Variants in PCMT1 observed in about 807,000 individuals in gnomAD.
PCMT1 encodes the protein protein-L-isoaspartate (D-aspartate) O-methyltransferase.
PCMT1 carries 9 observed loss-of-function variants against 29.2 expected under a neutral mutation model. That is an observed-to-expected ratio of 0.31 (90% CI 0.19 to 0.54). The LOEUF is 0.54. Ranked by LOEUF, PCMT1 falls within the 20% of genes least tolerant of loss-of-function variation. PCMT1 has a pLI of 0.95. For missense variants in PCMT1, 184 were observed against 282.2 expected (o/e 0.65, Z 2.49); for synonymous variants, 98 against 97.5 (o/e 1.00, Z -0.03).
At chr6:149,751,841 A>T (rs1402450021) in intron 1 of PCMT1, among the ~76,000 whole-genome samples, 2 of 151,330 alleles carry the variant, frequency 1.3e-5, no homozygotes, top group Admixed American at 1.3e-4. Context: ...CTTAATGTGG[A>T]AACTGAGTCT....
intron 1 of PCMT1, among the ~76,000 whole-genome samples, chr6:149,767,237 T>C (rs1787124494): frequency 6.8e-6 from 1 of 146,558 alleles, no homozygotes; most frequent in South Asian, 2.1e-4. Context: ...TCATTCATGT[T>C]GGGTATATCA....
At chr6:149,765,088 G>A (rs372509722) in intron 1 of PCMT1, among the ~76,000 whole-genome samples, 4 of 149,940 alleles carry the variant, frequency 2.7e-5, no homozygotes, top group African/African-American at 9.8e-5. Context: ...GGCCAGGTGC[G>A]GTGGCTCACG....
At chr6:149,765,445 G>A (rs946982786) in intron 1 of PCMT1, among the ~76,000 whole-genome samples, 7 of 151,492 alleles carry the variant, frequency 4.6e-5, no homozygotes, top group Non-Finnish European at 1.0e-4. Context: ...GCTTCTTCGG[G>A]TAGAAATAAT....
At chr6:149,772,392 A>T in intron 2 of PCMT1, 1 of 323,200 alleles carries the variant, frequency 3.1e-6, no homozygotes, top group South Asian at 2.6e-5. Context: ...TTTTTCAGTT[A>T]TTCTAGTTTT....
rs760461594 is a variant in PCMT1 at position 149,790,022 on chromosome 6, T to C, written c.261T>C (p.Ser87=). 24 of 1,611,778 alleles carry C rather than the reference T, an allele frequency of 1.5e-5. No homozygotes were observed. The Admixed American group carries it at 4.0e-4, about 27-fold the overall frequency. The change falls in exon 4 of 8, where the codon TCT becomes TCC. Residue 87 remains serine (S), a synonymous_variant. Coordinates refer to ENST00000464889, the MANE Select transcript of PCMT1 (RefSeq NM_001360452.2). ...GAGCTAAAGCTCTTGATGTAGGATC[T>C]GGAAGTGGAATCCTTACTGCATGTT... ...HEGAKALDVG[S]GSGILTACFA... is the part of the protein sequence containing the mutation.
chr6:149,788,023 T>C (rs1788196298), intron 3 of PCMT1, among the ~76,000 whole-genome samples: 1 of 152,150 alleles, frequency 6.6e-6, no homozygotes, highest in Non-Finnish European at 1.5e-5. Flanking sequence ...GTTCACGCCA[T>C]TGTCCTGCCT....
At chr6:149,762,595 G>GATATATATATCTATGATAT in intron 1 of PCMT1, among the ~76,000 whole-genome samples, 2 of 37,248 alleles carry the variant, frequency 5.4e-5, no homozygotes, top group Non-Finnish European at 4.3e-5. Context: ...ATATATCTAT[G>GATATATATATCTATGATAT]ATATATATAT....
intron 7 of PCMT1, among the ~76,000 whole-genome samples, chr6:149,807,690 C>A (rs1377580966): frequency 6.6e-6 from 1 of 152,056 alleles, no homozygotes; most frequent in East Asian, 1.9e-4. Flanking sequence ...TTTTAGTAGT[C>A]ACAAGAGTTA....
chr6:149,751,544 C>T (rs1176871671), intron 1 of PCMT1, among the ~76,000 whole-genome samples: 13 of 143,828 alleles, frequency 9.0e-5, no homozygotes, highest in African/African-American at 3.5e-4. Flanking sequence ...TGCAATGGCG[C>T]GGTCTTAGCT....
rs58975454 is a variant in PCMT1 at position 149,804,080 on chromosome 6, C to CAAAAA, written c.*37+1683_*37+1687dup. On this transcript the variant is annotated intron_variant, in intron 7 of 7. Transcript: ENST00000464889. ...TGGGTGACAGAGCGAGACTCTGTCT[C>CAAAAA]AAAAAAAAAAAAAAAAAAAAAAATT... Among the ~76,000 whole-genome samples the CAAAAA allele has an allele frequency of 5.4e-4, 42 of 77,492 alleles. 2 individuals carry two copies. Among genetic ancestry groups the CAAAAA allele is most frequent in the African/African-American group, 2.0e-3 (42 of 20,790 alleles). 50.8% of individuals were successfully genotyped at this position (77,492 alleles called of 152,430 possible).
intron 1 of PCMT1, chr6:149,750,269 C>T (rs558374121): frequency 4.7e-5 from 17 of 358,992 alleles, no homozygotes; most frequent in African/African-American, 3.4e-4. Context: ...CACTCAGGTC[C>T]GCGTCCGGGT....
intron 6 of PCMT1, 28 bp from the exon 7 acceptor site, chr6:149,802,172 T>G (rs1775847682): frequency 3.7e-6 from 5 of 1,366,168 alleles, no homozygotes; most frequent in Non-Finnish European, 5.0e-6. Flanking sequence ...AACTTGGTGA[T>G]GTATGTGCTT....
chr6:149,785,509 C>T (rs900350087), intron 3 of PCMT1, among the ~76,000 whole-genome samples: 1 of 151,008 alleles, frequency 6.6e-6, no homozygotes, highest in Non-Finnish European at 1.5e-5. Flanking sequence ...AGCAGATAAA[C>T]AAGTGAACAA....
chr6:149,810,549 C>G (rs1422174176), intron 7 of PCMT1, 67 bp from the exon 8 acceptor site: 2 of 1,230,930 alleles, frequency 1.6e-6, no homozygotes, highest in African/African-American at 1.5e-5. Flanking sequence ...TGTGTCTAAA[C>G]TATTATAAAG....
chr6:149,763,272 A>G, intron 1 of PCMT1, among the ~76,000 whole-genome samples: 1 of 89,806 alleles, frequency 1.1e-5, no homozygotes, highest in South Asian at 3.2e-4. Context: ...TCTATGATAT[A>G]AATATCTATG....
intron 1 of PCMT1, among the ~76,000 whole-genome samples, chr6:149,761,793 C>T (rs1786751735): frequency 6.6e-6 from 1 of 152,118 alleles, no homozygotes; most frequent in Non-Finnish European, 1.5e-5. Context: ...TTTACATTGT[C>T]AAAGTTGATA....
intron 6 of PCMT1, 53 bp from the exon 7 acceptor site, chr6:149,802,147 T>G: frequency 7.7e-7 from 1 of 1,297,364 alleles, no homozygotes; most frequent in East Asian, 2.4e-5. Flanking sequence ...ATAAATAAAA[T>G]AAAATAAAAT....
At chr6:149,775,493 G>C (rs1234293402) in intron 3 of PCMT1, among the ~76,000 whole-genome samples, 6 of 152,060 alleles carry the variant, frequency 3.9e-5, no homozygotes. Flanking sequence ...ATCGCTAGAA[G>C]CCAGGAGTTT....
chr6:149,780,310 C>G (rs1351549052), intron 3 of PCMT1, among the ~76,000 whole-genome samples: 2 of 151,624 alleles, frequency 1.3e-5, no homozygotes, highest in Non-Finnish European at 2.9e-5. Context: ...CACTACACCC[C>G]TGCCTGAGTG....
Sources: gnomAD v4.1 joint callset for allele counts (sites outside exome capture counted in the v4.1 genomes callset) on GRCh38, gnomAD v4.1.1 for gene constraint, MANE v1.5 for transcripts, NCBI Gene and HGNC (gene_info 2026-07-23, HGNC 2026-07-21) for gene names.